Variants in ACSL3 observed in about 807,000 individuals in gnomAD.
ACSL3 encodes the protein acyl-CoA synthetase long chain family member 3.
A neutral mutation model predicts 84.7 loss-of-function variants in ACSL3; 34 were observed. That is an observed-to-expected ratio of 0.40 (90% CI 0.31 to 0.53). The LOEUF is 0.53. Ranked by LOEUF, ACSL3 falls within the 20% of genes least tolerant of loss-of-function variation. The pLI is 0.48. For missense variants in ACSL3, 680 were observed against 873.1 expected, an observed-to-expected ratio of 0.78 and a Z score of 2.79; for synonymous variants, 315 against 299.4, an observed-to-expected ratio of 1.05 and a Z score of -0.54.
At position 222,927,047 on chromosome 2, in the gene ACSL3, A is replaced by C. The variant is rs747823536; in HGVS notation, c.1323A>C (p.Leu441=). 2.7e-5 allele frequency: 44 copies of C among 1,613,332 alleles called. No homozygotes were observed. The highest frequency in any genetic ancestry group is 3.5e-5 in the Non-Finnish European group (41 of 1,179,528). ...SFVFRKVRSL[L]GGNIRLLLCG... ...TTTTCCGGAAAGTTCGAAGCTTGCT[A>C]GGGGGAAATATTCGTCTCCTGTTGT... The change falls in exon 12 of 17, where the codon CTA becomes CTC. Residue 441 remains leucine, a synonymous_variant. Coordinates refer to ENST00000357430, the MANE Select transcript of ACSL3 (RefSeq NM_004457.5).
At chr2:222,876,128 G>A (rs1695440957) in intron 1 of ACSL3, among the ~76,000 whole-genome samples, 1 of 152,198 alleles carries the variant, frequency 6.6e-6, no homozygotes, top group Non-Finnish European at 1.5e-5. Flanking sequence ...TTGAGCTAGA[G>A]TTTGGACTGT....
rs76416659 is a variant in ACSL3, at chr2:222,932,208, C to T, written c.1733-958C>T. ...TGTCTCCAGATAGGTTGTGAACTTG[C>T]AGATGGCATTGAATATCTTCTTCAC... On this transcript the variant is annotated intron_variant, in intron 14 of 16. Transcript: ENST00000357430. Among the ~76,000 whole-genome samples, 623 of 152,348 alleles carry T rather than the reference C, an allele frequency of 4.1e-3. 2 individuals are homozygous for T. The highest frequency in any genetic ancestry group is 0.02 in the Middle Eastern group (6 of 294).
At chr2:222,937,412 CCTA>C (rs1439659610) in intron 16 of ACSL3, among the ~76,000 whole-genome samples, 2 of 152,008 alleles carry the variant, frequency 1.3e-5, no homozygotes, top group Non-Finnish European at 2.9e-5. Flanking sequence ...ATTGAAGTCT[CCTA>C]CTATTATTGT....
chr2:222,891,262 GT>G (rs922810566), intron 2 of ACSL3, among the ~76,000 whole-genome samples: 13 of 152,310 alleles, frequency 8.5e-5, no homozygotes, highest in Admixed American at 1.3e-4. Context: ...GTCTTAATCA[GT>G]TTTGGGAACC....
At position 222,944,485 on chromosome 2, in the gene ACSL3, A is replaced by G. The variant is rs1269618374; in HGVS notation, c.*2831A>G. 1 of 152,078 alleles carries G rather than the reference A, an allele frequency of 6.6e-6. No homozygotes were observed. The highest frequency in any genetic ancestry group is 1.5e-5 in the Non-Finnish European group (1 of 67,974). 9.4% of individuals were successfully genotyped at this position (152,078 alleles called of 1,614,324 possible). A position where few individuals can be genotyped will look rare whatever the true frequency, so the allele number is the denominator to read the frequency against. Reference sequence around the variant, plus strand: ...TTTCTCTACTTAAAATTGGTTATTTACTGTGAGTTCATTTCCGATGTGTTC... The same window carrying G: ...TTTCTCTACTTAAAATTGGTTATTTGCTGTGAGTTCATTTCCGATGTGTTC... On this transcript the variant is annotated 3_prime_UTR_variant, in exon 17 of 17. Coordinates refer to ENST00000357430, the MANE Select transcript of ACSL3 (RefSeq NM_004457.5).
Position 222,942,743 on chromosome 2 carries a change from C to T in ACSL3, c.*1089C>T, listed in dbSNP as rs528361942. 5.6e-5 allele frequency: 12 copies of T among 213,980 alleles called. No individual in the cohort carries two copies. The highest frequency in any genetic ancestry group is 2.5e-4 in the African/African-American group (11 of 44,446). 13.3% of individuals were successfully genotyped at this position (213,980 alleles called of 1,614,324 possible). On this transcript the variant is annotated 3_prime_UTR_variant, in exon 17 of 17. Coordinates refer to ENST00000357430, the MANE Select transcript of ACSL3 (RefSeq NM_004457.5). ...AAGCACCTTATCCTTTCTCCCATAA[C>T]CTTTGTACACTAAAAAATGAAAGAA...
At chr2:222,872,711 C>A (rs943717101) in intron 1 of ACSL3, among the ~76,000 whole-genome samples, 1 of 151,966 alleles carries the variant, frequency 6.6e-6, no homozygotes, top group Non-Finnish European at 1.5e-5. Context: ...GGTGGGGAAC[C>A]AGAGTAGGCT....
At chr2:222,874,549 C>T (rs998886164) in intron 1 of ACSL3, among the ~76,000 whole-genome samples, 4 of 151,350 alleles carry the variant, frequency 2.6e-5, no homozygotes, top group Non-Finnish European at 4.4e-5. Flanking sequence ...AAAATACTAA[C>T]TGAGTTGGGT....
chr2:222,916,318 G>A lies in ACSL3; in HGVS notation c.379-1G>A. On this transcript the variant is annotated splice_acceptor_variant, in intron 4 of 16. Coordinates refer to ENST00000357430, the MANE Select transcript of ACSL3 (RefSeq NM_004457.5). LOFTEE classifies it high-confidence loss of function. ...AAAAAAATTTTTTTTTGTTTTATCA[G>A]GTTATTCTTGGACAGTATAATTGGC... 1 of 1,532,814 alleles carries A rather than the reference G, an allele frequency of 6.5e-7. No individual in the cohort carries two copies. Among genetic ancestry groups the A allele is most frequent in the Non-Finnish European group, 8.8e-7 (1 of 1,138,266 alleles). The allele number at this position is 1,532,814 out of a possible 1,614,324, so 95.0% of individuals were successfully genotyped here.
chr2:222,867,950 A>G (rs1695196956), intron 1 of ACSL3, among the ~76,000 whole-genome samples: 1 of 149,230 alleles, frequency 6.7e-6, no homozygotes, highest in African/African-American at 2.5e-5. Flanking sequence ...GGCTCTTTTT[A>G]GTAATCTTTA....
intron 11 of ACSL3, among the ~76,000 whole-genome samples, chr2:222,925,116 C>G (rs1038680961): frequency 2.0e-5 from 3 of 151,868 alleles, no homozygotes; most frequent in African/African-American, 7.3e-5. Flanking sequence ...GCGGGCAGAT[C>G]ACCTGAGGTC....
Position 222,908,927 on chromosome 2 carries a change from C to A in ACSL3, c.155C>A (p.Ser52Ter). 1 of 1,612,676 alleles carries A rather than the reference C, an allele frequency of 6.2e-7. No homozygotes were observed. The highest frequency in any genetic ancestry group is 1.1e-5 in the South Asian group (1 of 90,628). Residue 52 changes from serine (S) to a stop codon, truncating the protein, a stop_gained, in exon 4 of 17, where the codon TCA becomes TAA. Coordinates refer to ENST00000357430, the MANE Select transcript of ACSL3 (RefSeq NM_004457.5). LOFTEE classifies it high-confidence loss of function. ...TTCTCCGAGTCAAGACAAGAAAAAT[C>A]AAACCGAATTAAAGCAAAGCCTGTA... The part of the protein sequence containing the change: ...YFFSESRQEK[S>*]NRIKAKPVNS...
chr2:222,885,182 G>A (rs994131206), intron 1 of ACSL3, among the ~76,000 whole-genome samples: 5 of 152,130 alleles, frequency 3.3e-5, no homozygotes, highest in Non-Finnish European at 5.9e-5. Context: ...GTCACCTTGG[G>A]CCATTTAATA....
At chr2:222,921,021 C>A in intron 7 of ACSL3, 1 of 576,156 alleles carries the variant, frequency 1.7e-6, no homozygotes, top group South Asian at 1.5e-5. Flanking sequence ...ATCCAAATAG[C>A]ATCTATTGTC....
intron 2 of ACSL3, among the ~76,000 whole-genome samples, chr2:222,892,234 A>C (rs779809030): frequency 6.6e-6 from 1 of 152,222 alleles, no homozygotes; most frequent in Non-Finnish European, 1.5e-5. Flanking sequence ...TGATATTTGT[A>C]AGAATTTAAA....
At position 222,930,652 on chromosome 2, in the gene ACSL3, C is replaced by T. The variant is rs1434890014; in HGVS notation, c.1572C>T (p.Pro524=). The change falls in exon 14 of 17, where the codon CCC becomes CCT. Residue 524 remains proline, a synonymous_variant. Coordinates refer to ENST00000357430, the MANE Select transcript of ACSL3 (RefSeq NM_004457.5). ...GGYFNTDKPH[P]RGEILIGGQS... ...ACTTTAATACTGATAAGCCACACCC[C>T]AGGGGTGAAATTCTTATTGGGGGCC... 2 of 1,613,792 alleles carry T rather than the reference C, an allele frequency of 1.2e-6. No homozygotes were observed. The highest frequency in any genetic ancestry group is 1.7e-5 in the Admixed American group (1 of 59,974).
chr2:222,874,691 G>A (rs950895900), intron 1 of ACSL3, among the ~76,000 whole-genome samples: 7 of 151,684 alleles, frequency 4.6e-5, no homozygotes, highest in Non-Finnish European at 7.4e-5. Flanking sequence ...AAAAAAATTA[G>A]CAACCCGAGT....
chr2:222,925,402 A>ATCAAGACC (rs1696853178), intron 11 of ACSL3, among the ~76,000 whole-genome samples: 2 of 150,956 alleles, frequency 1.3e-5, no homozygotes, highest in African/African-American at 4.9e-5. Flanking sequence ...AGGCCAGGAA[A>ATCAAGACC]TCAAGACCAG....
intron 4 of ACSL3, among the ~76,000 whole-genome samples, chr2:222,909,358 G>T (rs1036324709): frequency 6.6e-6 from 1 of 152,148 alleles, no homozygotes; most frequent in Non-Finnish European, 1.5e-5. Context: ...GCAACCCAGT[G>T]GTGTGGAGCT....
Sources: gnomAD v4.1 joint callset for allele counts (sites outside exome capture counted in the v4.1 genomes callset) on GRCh38, gnomAD v4.1.1 for gene constraint, MANE v1.5 for transcripts, NCBI Gene and HGNC (gene_info 2026-07-23, HGNC 2026-07-21) for gene names.